Variants in CD9 observed in about 807,000 individuals in gnomAD.
CD9 encodes CD9 antigen.
A neutral mutation model predicts 31.4 loss-of-function variants in CD9; 10 were observed. That is an observed-to-expected ratio of 0.32 (90% CI 0.20 to 0.54). CD9 has a LOEUF of 0.54. CD9 is among the 20% of genes least tolerant of loss of function. The probability of loss-of-function intolerance (pLI) is 0.94; values close to 1 mark genes in which losing one functional copy is unlikely to be tolerated. For missense variants in CD9, 259 were observed against 300.1 expected, an observed-to-expected ratio of 0.86 and a Z score of 1.01; for synonymous variants, 113 against 114.1, an observed-to-expected ratio of 0.99 and a Z score of 0.06.
Position 6,235,542 on chromosome 12 carries a change from G to GTACTCGAAACCTTCAC in CD9, c.515_530dup (p.Val178ThrfsTer11). On this transcript the variant is annotated frameshift_variant, in exon 6 of 8. Coordinates refer to ENST00000009180, the MANE Select transcript of CD9 (RefSeq NM_001769.4). LOFTEE classifies it high-confidence loss of function. Reference sequence around the variant, plus strand: ...CTCAGACATCTGCCCCAAGAAGGACGTACTCGAAACCTTCACCGTGAAGGT... The same window carrying GTACTCGAAACCTTCAC: ...CTCAGACATCTGCCCCAAGAAGGACGTACTCGAAACCTTCACTACTCGAAACCTTCACCGTGAAGGT... 6.2e-7 allele frequency: 1 copy of GTACTCGAAACCTTCAC among 1,613,414 alleles called. No homozygotes were observed. The highest frequency in any genetic ancestry group is 8.5e-7 in the Non-Finnish European group (1 of 1,179,442).
chr12:6,213,603 AG>A (rs1209778831), intron 1 of CD9, among the ~76,000 whole-genome samples: 1 of 152,234 alleles, frequency 6.6e-6, no homozygotes, highest in African/African-American at 2.4e-5. Context: ...GCCTTCCAAA[AG>A]GAAGTTGATT....
intron 2 of CD9, chr12:6,226,505 G>A (rs1478197651): frequency 6.6e-6 from 1 of 152,194 alleles, no homozygotes; most frequent in African/African-American, 2.4e-5. Context: ...GGAGAAAACA[G>A]TTATCTCCCA....
At chr12:6,208,388 A>C (rs1946155582) in intron 1 of CD9, among the ~76,000 whole-genome samples, 1 of 152,076 alleles carries the variant, frequency 6.6e-6, no homozygotes, top group African/African-American at 2.4e-5. Flanking sequence ...CCTTGCTGAC[A>C]CTCCCAGTCT....
chr12:6,235,708 C>T, intron 6 of CD9, 143 bp downstream of exon 6: 2 of 1,432,894 alleles, frequency 1.4e-6, no homozygotes, highest in Non-Finnish European at 1.8e-6. Context: ...ATCTCTTTCT[C>T]TCCCACTTTG....
At chr12:6,236,011 AG>A (rs1946517194) in intron 6 of CD9, 180 bp from the exon 7 acceptor site, 3 of 1,431,450 alleles carry the variant, frequency 2.1e-6, no homozygotes, top group Admixed American at 2.9e-5. Flanking sequence ...CCACTAGCAT[AG>A]CCATCCCTTT....
intron 1 of CD9, among the ~76,000 whole-genome samples, chr12:6,223,721 G>A (rs11064094): frequency 0.07 from 10,587 of 152,136 alleles, 1,173 homozygotes; most frequent in African/African-American, 0.23. Flanking sequence ...AGCAGGGCCC[G>A]CCTCCCCGCC....
At chr12:6,235,400 C>T (rs1946505557) in intron 5 of CD9, 73 bp downstream of exon 5, 3 of 1,614,030 alleles carry the variant, frequency 1.9e-6, no homozygotes, top group East Asian at 4.5e-5. Context: ...GCTGACTGCA[C>T]CAGACCAGTG....
chr12:6,212,452 C>G (rs1216399936), intron 1 of CD9, among the ~76,000 whole-genome samples: 1 of 152,206 alleles, frequency 6.6e-6, no homozygotes, highest in East Asian at 1.9e-4. Flanking sequence ...CCTGCACCAG[C>G]CTGAGGCCAG....
intron 1 of CD9, among the ~76,000 whole-genome samples, chr12:6,203,432 A>G: frequency 6.6e-6 from 1 of 152,214 alleles, no homozygotes; most frequent in Non-Finnish European, 1.5e-5. Flanking sequence ...AGGAATTGTG[A>G]GGCCAGTGCC....
intron 4 of CD9, among the ~76,000 whole-genome samples, chr12:6,234,745 G>A (rs963563932): frequency 5.3e-5 from 8 of 152,232 alleles, no homozygotes; most frequent in Admixed American, 5.2e-4. Context: ...GGCTTAACAT[G>A]CAATATTTCA....
At chr12:6,228,255 C>A (rs1177135167) in intron 2 of CD9, among the ~76,000 whole-genome samples, 2 of 152,074 alleles carry the variant, frequency 1.3e-5, no homozygotes, top group African/African-American at 2.4e-5. Flanking sequence ...TGTGTCTGGG[C>A]ACAGTGATCA....
intron 1 of CD9, among the ~76,000 whole-genome samples, chr12:6,221,698 G>A (rs1474810261): frequency 6.6e-6 from 1 of 151,776 alleles, no homozygotes; most frequent in Non-Finnish European, 1.5e-5. Flanking sequence ...AGCTGAAGCT[G>A]GGCGCAGTGG....
intron 4 of CD9, 21 bp from the exon 5 acceptor site, chr12:6,235,207 CT>C (rs1375619308): frequency 6.5e-7 from 1 of 1,527,610 alleles, no homozygotes; most frequent in African/African-American, 1.4e-5. Context: ...GTCTCTGCCC[CT>C]CTCTCGTCTG....
At chr12:6,202,480 A>C (rs936430007) in intron 1 of CD9, among the ~76,000 whole-genome samples, 1 of 152,218 alleles carries the variant, frequency 6.6e-6, no homozygotes, top group African/African-American at 2.4e-5. Context: ...TGTGTTGGTT[A>C]GTCCTCAGCT....
rs972713086 is a variant in CD9, at chr12:6,232,953, T to C, written c.273+224T>C. ...TTCCCCTAGGCAACTAAAAGGACTA[T>C]GTTTCCCCCTTTTCTCGAGGACCAC... On this transcript the variant is annotated intron_variant, in intron 3 of 7. Coordinates refer to ENST00000009180, the MANE Select transcript of CD9 (RefSeq NM_001769.4). The surrounding 1 kb of genome is among the most constrained non-coding windows in gnomAD (Gnocchi z 4.8). 10 of 702,434 alleles carry C rather than the reference T, an allele frequency of 1.4e-5. No individual in the cohort carries two copies. The highest frequency in any genetic ancestry group is 2.3e-4 in the Middle Eastern group (1 of 4,388). The allele number at this position is 702,434 out of a possible 1,614,324, so 43.5% of individuals were successfully genotyped here.
intron 1 of CD9, among the ~76,000 whole-genome samples, chr12:6,223,551 G>A (rs748091086): frequency 6.6e-6 from 1 of 152,166 alleles, no homozygotes; most frequent in Non-Finnish European, 1.5e-5. Flanking sequence ...GTGAGCCACT[G>A]CACCCAGCCC....
chr12:6,235,759 C>A, intron 6 of CD9, 194 bp downstream of exon 6: 1 of 1,406,266 alleles, frequency 7.1e-7, no homozygotes, highest in Non-Finnish European at 9.2e-7. Flanking sequence ...AAAGGCCGGA[C>A]CAGGGGAATG....
At position 6,233,027 on chromosome 12, in the gene CD9, T is replaced by C. The variant is rs892055144; in HGVS notation, c.273+298T>C. 12 of 702,312 alleles carry C rather than the reference T, an allele frequency of 1.7e-5. No homozygotes were observed. In the African/African-American group the frequency reaches 2.1e-4, roughly 12 times the overall value. 43.5% of individuals were successfully genotyped at this position (702,312 alleles called of 1,614,324 possible). A position where few individuals can be genotyped will look rare whatever the true frequency, so the allele number is the denominator to read the frequency against. On this transcript the variant is annotated intron_variant, in intron 3 of 7. Transcript: ENST00000009180. ...ACAGGTACCTTTGCCTTCTCCTTCTTGTTTCAAAATCTGTTTTGGTCTTTT... is the reference window on the plus strand; with the variant it reads ...ACAGGTACCTTTGCCTTCTCCTTCTCGTTTCAAAATCTGTTTTGGTCTTTT...
chr12:6,210,096 C>A (rs970336952), intron 1 of CD9, among the ~76,000 whole-genome samples: 1 of 152,232 alleles, frequency 6.6e-6, no homozygotes, highest in Non-Finnish European at 1.5e-5. Context: ...TGGGGTGTGT[C>A]TTGAGAGCTC....
Sources: allele counts gnomAD v4.1 joint callset (sites outside exome capture counted in the v4.1 genomes callset), GRCh38; gene constraint gnomAD v4.1.1; non-coding constraint Gnocchi (gnomAD v3.1); transcripts MANE v1.5; gene names NCBI Gene and HGNC (gene_info 2026-07-23, HGNC 2026-07-21).